The following VPS4B variants were observed in gnomAD, a reference collection of about 807,000 sequenced individuals.
VPS4B encodes the protein vacuolar protein sorting-associated protein 4B.
VPS4B carries 23 observed loss-of-function variants against 56.1 expected under a neutral mutation model. The observed-to-expected ratio is 0.41, with a 90% CI of 0.30 to 0.58. The LOEUF (loss-of-function observed/expected upper bound fraction) is 0.58, where lower values mean the gene tolerates loss of function less well. Among genes scored for constraint, VPS4B ranks in the 20% least tolerant of loss-of-function variants. The pLI is 0.29. For missense variants in VPS4B, 372 were observed against 531.9 expected (o/e 0.70, Z 2.96); for synonymous variants, 177 against 186.0 (o/e 0.95, Z 0.39).
Position 63,400,201 on chromosome 18 carries a change from A to G in VPS4B, c.642-5T>C, listed in dbSNP as rs768484199. On this transcript the variant is annotated splice_region_variant and splice_polypyrimidine_tract_variant and intron_variant, in intron 6 of 10. Transcript: ENST00000238497. ...TGGAATAAATTCTTAACCAGTCTAAAAATAAATGAAAACTTTTAAGTCTCT... is the reference window on the plus strand; with the variant it reads ...TGGAATAAATTCTTAACCAGTCTAAGAATAAATGAAAACTTTTAAGTCTCT... 1.9e-6 allele frequency: 3 copies of G among 1,585,532 alleles called. No individual in the cohort carries two copies. The Admixed American group carries it at 5.9e-5, about 31-fold the overall frequency.
intron 1 of VPS4B, among the ~76,000 whole-genome samples, chr18:63,420,442 T>C (rs371570357): frequency 3.3e-5 from 5 of 151,946 alleles, no homozygotes; most frequent in South Asian, 2.1e-4. Context: ...AGCAAGACTG[T>C]CTCAAAACAA....
chr18:63,409,916 C>A (rs1311607852), intron 3 of VPS4B, among the ~76,000 whole-genome samples: 2 of 152,166 alleles, frequency 1.3e-5, no homozygotes, highest in South Asian at 2.1e-4. Context: ...ACTATTCCTA[C>A]AAGCATTCTC....
At position 63,390,963 on chromosome 18, in the gene VPS4B, C is replaced by A. The variant is rs762954190; in HGVS notation, c.*12G>T. 1 of 1,553,634 alleles carries A rather than the reference C, an allele frequency of 6.4e-7. No homozygotes were observed. The highest frequency in any genetic ancestry group is 8.9e-7 in the Non-Finnish European group (1 of 1,126,740). ...AAGAATACATATGGTAAGCATCTTC[C>A]TTGTCTTTGGCTTAGCCTTCTTGAC... On this transcript the variant is annotated 3_prime_UTR_variant, in exon 11 of 11. Coordinates refer to ENST00000238497, the MANE Select transcript of VPS4B (RefSeq NM_004869.4).
At chr18:63,394,635 T>A (rs1359680512) in intron 9 of VPS4B, among the ~76,000 whole-genome samples, 1 of 152,054 alleles carries the variant, frequency 6.6e-6, no homozygotes, top group Non-Finnish European at 1.5e-5. Context: ...CCGAGCTAAT[T>A]TTTGTATTTT....
chr18:63,411,364 G>C (rs1916038471), intron 2 of VPS4B, 103 bp downstream of exon 2: 1 of 801,302 alleles, frequency 1.2e-6, no homozygotes, highest in Admixed American at 4.0e-5. Flanking sequence ...TTAACAAATG[G>C]ATCGTTTAGA....
At chr18:63,422,093 T>A (rs1916316523) in intron 1 of VPS4B, 140 bp downstream of exon 1, 1 of 923,146 alleles carries the variant, frequency 1.1e-6, no homozygotes, top group South Asian at 2.2e-5. Flanking sequence ...CTCTCCCACC[T>A]GCTGCAGGTC....
chr18:63,391,986 A>G (rs8096640), intron 10 of VPS4B, among the ~76,000 whole-genome samples: 80,884 of 152,012 alleles, frequency 0.53, 22,037 homozygotes, highest in East Asian at 0.88. Context: ...AAGCTGAACA[A>G]AGTACAAAAA....
intron 3 of VPS4B, among the ~76,000 whole-genome samples, chr18:63,408,657 G>A (rs899247403): frequency 6.6e-6 from 1 of 152,212 alleles, no homozygotes; most frequent in Non-Finnish European, 1.5e-5. Flanking sequence ...CTTAGCAGAG[G>A]AGTTGGCAAC....
intron 1 of VPS4B, among the ~76,000 whole-genome samples, chr18:63,414,356 C>A (rs1182298971): frequency 2.7e-5 from 4 of 150,626 alleles, no homozygotes; most frequent in African/African-American, 9.8e-5. Context: ...GGTGACAGAG[C>A]AAGACTCTGT....
At chr18:63,409,690 C>T (rs905962876) in intron 3 of VPS4B, among the ~76,000 whole-genome samples, 3 of 152,234 alleles carry the variant, frequency 2.0e-5, no homozygotes, top group African/African-American at 7.2e-5. Context: ...TCAGTTTCAA[C>T]GTTTATAAGT....
At chr18:63,422,150 T>C in intron 1 of VPS4B, 83 bp downstream of exon 1, 7 of 1,360,898 alleles carry the variant, frequency 5.1e-6, no homozygotes, top group Non-Finnish European at 6.7e-6. Context: ...GGCCGCTTCC[T>C]CCCTTCTCCC....
intron 10 of VPS4B, among the ~76,000 whole-genome samples, chr18:63,393,198 C>T (rs974878989): frequency 8.5e-5 from 13 of 152,110 alleles, no homozygotes; most frequent in Non-Finnish European, 4.4e-5. Context: ...AGCTTTTTCA[C>T]TTAAAGGTTC....
intron 1 of VPS4B, among the ~76,000 whole-genome samples, chr18:63,414,486 G>C (rs1349302238): frequency 1.3e-5 from 2 of 152,142 alleles, no homozygotes; most frequent in East Asian, 1.9e-4. Flanking sequence ...CCAGACTGGA[G>C]TGCAATGGCG....
At chr18:63,400,985 A>G (rs1217756085) in intron 5 of VPS4B, among the ~76,000 whole-genome samples, 1 of 152,250 alleles carries the variant, frequency 6.6e-6, no homozygotes, top group Non-Finnish European at 1.5e-5. Context: ...GTGCACAGGC[A>G]AAAGGATTTC....
At chr18:63,396,888 G>A in intron 9 of VPS4B, 146 bp downstream of exon 9, 1 of 696,492 alleles carries the variant, frequency 1.4e-6, no homozygotes, top group South Asian at 1.9e-5. Flanking sequence ...TACTCAGGAG[G>A]CTAAGGCATG....
rs752058625 is a variant in VPS4B at position 63,397,104 on chromosome 18, A to G, written c.1022T>C (p.Ile341Thr). The change falls in exon 9 of 11, where the codon ATA becomes ACA. Residue 341 changes from isoleucine (I) to threonine (T), a missense_variant. Ile to Thr is a moderately conservative substitution (Grantham distance 89). This residue lies in a region of VPS4B where 153 missense variants were observed against 190.9 expected (regional missense o/e 0.80). Coordinates refer to ENST00000238497, the MANE Select transcript of VPS4B (RefSeq NM_004869.4). ...RKTDGYSGAD[I>T]SIIVRDALMQ... Reference sequence around the variant, plus strand: ...AAGGGCATCACGTACAATGATACTTATATCTGCCCCTGAATAACCATCTGT... The same window carrying G: ...AAGGGCATCACGTACAATGATACTTGTATCTGCCCCTGAATAACCATCTGT... 2 of 1,614,162 alleles carry G rather than the reference A, an allele frequency of 1.2e-6. No individual in the cohort carries two copies. Among genetic ancestry groups the G allele is most frequent in the South Asian group, 1.1e-5 (1 of 91,084 alleles).
At position 63,389,444 on chromosome 18, in the gene VPS4B, T is replaced by C. The variant is rs532047841; in HGVS notation, c.*1531A>G. On this transcript the variant is annotated 3_prime_UTR_variant, in exon 11 of 11. Transcript: ENST00000238497. ...CAAATACACTTTAAAATGCAAGTTATTCTATAGCATTTGCAAGATAGAATT... is the reference window on the plus strand; with the variant it reads ...CAAATACACTTTAAAATGCAAGTTACTCTATAGCATTTGCAAGATAGAATT... The C allele has an allele frequency of 1.3e-5, 2 of 152,690 alleles. No homozygotes were observed. Among genetic ancestry groups the C allele is most frequent in the Non-Finnish European group, 2.9e-5 (2 of 68,048 alleles). The allele number at this position is 152,690 out of a possible 1,614,324, so 9.5% of individuals were successfully genotyped here.
At chr18:63,407,399 G>T (rs138951263) in intron 4 of VPS4B, 33 bp downstream of exon 4, 1 of 1,516,582 alleles carries the variant, frequency 6.6e-7, no homozygotes, top group South Asian at 1.2e-5. Flanking sequence ...TTTTTAATAG[G>T]ATAGTAAATT....
chr18:63,389,637 GT>G lies in VPS4B; in HGVS notation c.*1337del, dbSNP rs1915498568. Reference sequence around the variant, plus strand: ...AGCATCGTTTATTATTTTTTAATGAGTCATGAGCTCATTTCTAAAGCTTCAT... The same window carrying G: ...AGCATCGTTTATTATTTTTTAATGAGCATGAGCTCATTTCTAAAGCTTCAT... On this transcript the variant is annotated 3_prime_UTR_variant, in exon 11 of 11. Coordinates refer to ENST00000238497, the MANE Select transcript of VPS4B (RefSeq NM_004869.4). The G allele has an allele frequency of 6.6e-6, 1 of 152,610 alleles. No homozygotes were observed. Among genetic ancestry groups the G allele is most frequent in the South Asian group, 2.1e-4 (1 of 4,828 alleles). The allele number at this position is 152,610 out of a possible 1,614,324, so 9.5% of individuals were successfully genotyped here.
Sources: allele counts gnomAD v4.1 joint callset (sites outside exome capture counted in the v4.1 genomes callset), GRCh38; gene constraint gnomAD v4.1.1; regional missense constraint gnomAD v4.1.1; transcripts MANE v1.5; gene names NCBI Gene and HGNC (gene_info 2026-07-23, HGNC 2026-07-21).